LPAR6: variants seen among roughly 807,000 people sequenced by gnomAD.
The protein encoded by LPAR6 is lysophosphatidic acid receptor 6, also known as G-protein coupled purinergic receptor P2Y5.
LPAR6 carries 17 observed loss-of-function variants against 22.0 expected under a neutral mutation model. That is an observed-to-expected ratio of 0.77 (90% CI 0.53 to 1.16). The LOEUF is 1.16. Ranked by LOEUF, LPAR6 falls within the 50% of genes most tolerant of loss-of-function variation. The pLI, the probability that LPAR6 is intolerant of heterozygous loss-of-function variation, is 0.00. For synonymous variants in LPAR6, 136 were observed against 139.8 expected (o/e 0.97, Z 0.19); for missense variants, 384 against 406.9 (o/e 0.94, Z 0.48).
intron 1 of LPAR6, chr13:48,423,883 A>G (rs1222491668): frequency 2.6e-5 from 4 of 152,288 alleles, no homozygotes; most frequent in Admixed American, 1.3e-4. Context: ...ATGAATAGCC[A>G]CAGCACTCCA....
downstream of LPAR6, chr13:48,408,880 A>G (rs1948763422): frequency 6.6e-6 from 1 of 152,166 alleles, no homozygotes; most frequent in Non-Finnish European, 1.5e-5. Context: ...TCTTGCCTTA[A>G]GTTGAGATCT....
At position 48,392,088 on chromosome 13, in the gene LPAR6, A is replaced by G. The variant is rs144681156; in HGVS notation, n.115-2276T>C. ...TTGAGTGCTTTAAAAATATTGCTCC[A>G]CTGTCTTCTGGTTTGCCTTGTTTCT... On this transcript the variant is annotated intron_variant and non_coding_transcript_variant, in intron 1 of 1. Transcript: ENST00000462781. Among the ~76,000 whole-genome samples the G allele has an allele frequency of 2.6e-3, 389 of 151,804 alleles. 1 individual carries two copies. Among genetic ancestry groups the G allele is most frequent in the African/African-American group, 9.0e-3 (371 of 41,428 alleles).
chr13:48,408,774 A>T (rs1043780791), downstream of LPAR6: 2 of 152,168 alleles, frequency 1.3e-5, no homozygotes, highest in Admixed American at 6.5e-5. Context: ...CTTCCTGTTG[A>T]CAAGAGACAC....
intron 1 of LPAR6, among the ~76,000 whole-genome samples, chr13:48,432,290 T>C (rs1425452311): frequency 2.0e-5 from 3 of 152,318 alleles, no homozygotes; most frequent in East Asian, 1.9e-4. Context: ...TCACTCACCA[T>C]GTTCATGTCC....
At chr13:48,422,767 C>G (rs1382247477) in exon 2 of LPAR6, 1 of 147,796 alleles carries the variant, frequency 6.8e-6, no homozygotes, top group Admixed American at 6.9e-5. Context: ...TGCACTTCAG[C>G]CTGGTGACAG....
At chr13:48,439,050 C>T (rs1026324332) in intron 1 of LPAR6, among the ~76,000 whole-genome samples, 37 of 152,058 alleles carry the variant, frequency 2.4e-4, no homozygotes, top group African/African-American at 8.7e-4. Flanking sequence ...AAAAGCATGA[C>T]AATGGGCAAA....
intron 1 of LPAR6, among the ~76,000 whole-genome samples, chr13:48,425,760 G>A (rs138142454): frequency 3.3e-4 from 50 of 152,252 alleles, no homozygotes; most frequent in African/African-American, 1.2e-3. Context: ...TAAAAGGAGA[G>A]TATTAAATTA....
rs146017569 is a variant in LPAR6 at position 48,411,539 on chromosome 13, C to T, written c.885G>A (p.Ser295=). ...CFDPIVYYFT[S]DTIQNSIKMK... ...TTTTTATTGAATTCTGAATTGTGTC[C>T]GATGTAAAGTAGTAAACTATAGGGT... Residue 295 remains serine, a synonymous_variant, in exon 1 of 1, where the codon TCG becomes TCA. Transcript: ENST00000620633. 11 of 1,613,228 alleles carry T rather than the reference C, an allele frequency of 6.8e-6. No homozygotes were observed. The highest frequency in any genetic ancestry group is 4.4e-5 in the South Asian group (4 of 90,982).
At chr13:48,435,949 A>C (rs1949179033) in intron 1 of LPAR6, among the ~76,000 whole-genome samples, 1 of 152,254 alleles carries the variant, frequency 6.6e-6, no homozygotes, top group Admixed American at 6.5e-5. Context: ...CAGCCCAATT[A>C]AAAGGCAGAG....
intron 1 of LPAR6, among the ~76,000 whole-genome samples, chr13:48,433,931 C>T (rs2138286224): frequency 6.6e-6 from 1 of 151,296 alleles, no homozygotes; most frequent in South Asian, 2.1e-4. Context: ...GCTATGTTGC[C>T]CAGGCTGGTC....
At position 48,411,609 on chromosome 13, in the gene LPAR6, A is replaced by G. The variant is rs114372872; in HGVS notation, c.815T>C (p.Met272Thr). ...AGCAATACAGAGAGTGATTGGGTACATTGTCCTTACTGCTGCCACTACTGA... is the reference window on the plus strand; with the variant it reads ...AGCAATACAGAGAGTGATTGGGTACGTTGTCCTTACTGCTGCCACTACTGA... ...NCSVVAAVRT[M>T]YPITLCIAVS... The change falls in exon 1 of 1, where the codon ATG (methionine) becomes ACG (threonine). Residue 272 changes from methionine to threonine, a missense_variant. Coordinates refer to ENST00000620633, the MANE Select transcript of LPAR6 (RefSeq NM_001162498.3). 3.5e-5 allele frequency: 57 copies of G among 1,612,496 alleles called. No individual in the cohort carries two copies. The highest frequency in any genetic ancestry group is 3.3e-4 in the African/African-American group (25 of 74,996).
downstream of LPAR6, among the ~76,000 whole-genome samples, chr13:48,407,262 A>G (rs1407089114): frequency 6.6e-6 from 1 of 152,200 alleles, no homozygotes; most frequent in Non-Finnish European, 1.5e-5. Context: ...CTGGGGCTCT[A>G]TCTTTTGAAT....
At chr13:48,394,558 T>C (rs1448494093) in intron 1 of LPAR6, among the ~76,000 whole-genome samples, 2 of 152,156 alleles carry the variant, frequency 1.3e-5, no homozygotes, top group African/African-American at 4.8e-5. Flanking sequence ...ATGGTAGAGC[T>C]AGGTAGGGGG....
At chr13:48,440,030 T>A (rs183308706) in intron 1 of LPAR6, among the ~76,000 whole-genome samples, 2 of 152,038 alleles carry the variant, frequency 1.3e-5, no homozygotes, top group East Asian at 3.9e-4. Flanking sequence ...AGGAATAGGG[T>A]AGGAAGGAGA....
chr13:48,390,583 A>G (rs932042321), intron 1 of LPAR6, among the ~76,000 whole-genome samples: 1 of 152,184 alleles, frequency 6.6e-6, no homozygotes, highest in Non-Finnish European at 1.5e-5. Context: ...CTCCTGGCTC[A>G]CTTAAAAAAA....
chr13:48,393,008 G>A (rs968353947), intron 1 of LPAR6, among the ~76,000 whole-genome samples: 6 of 152,040 alleles, frequency 3.9e-5, no homozygotes, highest in Admixed American at 6.6e-5. Context: ...ATCAATAGCC[G>A]ATTTTCCTTC....
rs1216217787 is a variant in LPAR6, at chr13:48,411,548, G to A, written c.876C>T (p.Tyr292=). 6.8e-6 allele frequency: 11 copies of A among 1,613,626 alleles called. No individual in the cohort carries two copies. The highest frequency in any genetic ancestry group is 1.3e-5 in the African/African-American group (1 of 74,898). Residue 292 remains tyrosine (Y), a synonymous_variant, in exon 1 of 1, where the codon TAC becomes TAT. Transcript: ENST00000620633. The part of the protein sequence containing the change: ...SNCCFDPIVY[Y]FTSDTIQNSI... ...AATTCTGAATTGTGTCCGATGTAAA[G>A]TAGTAAACTATAGGGTCAAAACAAC...
rs1204424954 is a variant in LPAR6 at position 48,411,542 on chromosome 13, T to C, written c.882A>G (p.Thr294=). 3.1e-6 allele frequency: 5 copies of C among 1,613,738 alleles called. No individual in the cohort carries two copies. The highest frequency in any genetic ancestry group is 4.2e-6 in the Non-Finnish European group (5 of 1,179,860). ...TTATTGAATTCTGAATTGTGTCCGA[T>C]GTAAAGTAGTAAACTATAGGGTCAA... ...CCFDPIVYYF[T]SDTIQNSIKM... Residue 294 remains threonine, a synonymous_variant, in exon 1 of 1, where the codon ACA becomes ACG. Transcript: ENST00000620633.
rs947546709 is a variant in LPAR6 at position 48,411,221 on chromosome 13, C to G, written c.*168G>C. 2 of 579,142 alleles carry G rather than the reference C, an allele frequency of 3.5e-6. No individual in the cohort carries two copies. The highest frequency in any genetic ancestry group is 6.1e-6 in the Non-Finnish European group (2 of 326,058). The allele number at this position is 579,142 out of a possible 1,614,324, so 35.9% of individuals were successfully genotyped here. A position where few individuals can be genotyped will look rare whatever the true frequency, so the allele number is the denominator to read the frequency against. On this transcript the variant is annotated 3_prime_UTR_variant, in exon 1 of 1. Transcript: ENST00000620633. ...ATGGAGTGGATACACAAATAAAATACATGTTAATGCTTAACACATTGAATA... is the reference window on the plus strand; with the variant it reads ...ATGGAGTGGATACACAAATAAAATAGATGTTAATGCTTAACACATTGAATA...
Sources: gnomAD v4.1 joint callset for allele counts (sites outside exome capture counted in the v4.1 genomes callset) on GRCh38, gnomAD v4.1.1 for gene constraint, MANE v1.5 for transcripts, NCBI Gene and HGNC (gene_info 2026-07-23, HGNC 2026-07-21) for gene names.